The following MACROD2 variants were observed in gnomAD, a reference collection of about 807,000 sequenced individuals.
The protein encoded by MACROD2 is mono-ADP ribosylhydrolase 2, also known as ADP-ribose glycohydrolase MACROD2.
Under a neutral mutation model 70.4 loss-of-function variants are expected in MACROD2, and 36 were observed. The observed-to-expected ratio is 0.51, with a 90% confidence interval of 0.39 to 0.68. The LOEUF is 0.68. MACROD2 is among the 30% of genes least tolerant of loss of function. The pLI, the probability that MACROD2 is intolerant of heterozygous loss-of-function variation, is 0.00. For missense variants in MACROD2, 496 were observed against 538.4 expected (o/e 0.92, Z 0.78); for synonymous variants, 172 against 178.8 (o/e 0.96, Z 0.30).
At chr20:14,598,219 T>G (rs1297580846) in intron 4 of MACROD2, among the ~76,000 whole-genome samples, 3 of 152,196 alleles carry the variant, frequency 2.0e-5, no homozygotes, top group African/African-American at 7.2e-5. Context: ...ACCATTTTGC[T>G]TAGGCATGTG....
intron 5 of MACROD2, among the ~76,000 whole-genome samples, chr20:15,167,358 T>C (rs1404901166): frequency 6.6e-6 from 1 of 152,160 alleles, no homozygotes; most frequent in Admixed American, 6.5e-5. Context: ...TACTTAGCAT[T>C]AGTTGGTAAA....
At chr20:15,605,453 C>CGTGCGT (rs1555847144) in intron 8 of MACROD2, among the ~76,000 whole-genome samples, 2 of 141,692 alleles carry the variant, frequency 1.4e-5, no homozygotes, top group African/African-American at 5.3e-5. Context: ...AGGATGTAAG[C>CGTGCGT]GTGTGTGTGT....
At chr20:15,806,911 C>T (rs1413273053) in intron 8 of MACROD2, among the ~76,000 whole-genome samples, 4 of 152,090 alleles carry the variant, frequency 2.6e-5, no homozygotes, top group African/African-American at 9.7e-5. Flanking sequence ...ACAATAATTT[C>T]CTAGGGTGAT....
At chr20:14,629,241 G>A (rs933093017) in intron 4 of MACROD2, among the ~76,000 whole-genome samples, 1 of 152,064 alleles carries the variant, frequency 6.6e-6, no homozygotes, top group Non-Finnish European at 1.5e-5. Flanking sequence ...GATGTAATTG[G>A]TTCCAGGTTA....
chr20:14,700,361 T>C (rs1036555555), intron 5 of MACROD2, among the ~76,000 whole-genome samples: 16 of 152,172 alleles, frequency 1.1e-4, no homozygotes, highest in Admixed American at 7.9e-4. Flanking sequence ...TATAGAACTG[T>C]TTCAAAAATT....
intron 5 of MACROD2, among the ~76,000 whole-genome samples, chr20:15,189,437 G>A (rs543193894): frequency 6.6e-6 from 1 of 152,164 alleles, no homozygotes; most frequent in East Asian, 1.9e-4. Flanking sequence ...CCGGAATTCG[G>A]GCAATCTAGC....
chr20:14,532,873 T>C (rs899602401), intron 4 of MACROD2, among the ~76,000 whole-genome samples: 4 of 152,210 alleles, frequency 2.6e-5, no homozygotes, highest in African/African-American at 7.2e-5. Context: ...GTAGAAATTA[T>C]GGACATGCGT....
chr20:14,354,631 G>A (rs972952096), intron 3 of MACROD2, among the ~76,000 whole-genome samples: 3 of 152,012 alleles, frequency 2.0e-5, no homozygotes, highest in Admixed American at 6.5e-5. Context: ...TTAGATTCAC[G>A]GGTACCTGTG....
chr20:14,073,924 C>T (rs934848828), intron 2 of MACROD2, among the ~76,000 whole-genome samples: 1 of 152,182 alleles, frequency 6.6e-6, no homozygotes. Context: ...AAGCCCTTTT[C>T]TTGTCTAGAC....
intron 5 of MACROD2, among the ~76,000 whole-genome samples, chr20:14,865,394 T>G (rs387073): frequency 0.094 from 14,023 of 149,858 alleles, 821 homozygotes; most frequent in Non-Finnish European, 0.13. Context: ...CTTATTTGGC[T>G]TTTTTTTTTC....
At chr20:14,381,856 T>C (rs2083423674) in intron 3 of MACROD2, among the ~76,000 whole-genome samples, 1 of 152,138 alleles carries the variant, frequency 6.6e-6, no homozygotes, top group Non-Finnish European at 1.5e-5. Flanking sequence ...AGTCTACTTG[T>C]TGAATTCACA....
intron 5 of MACROD2, among the ~76,000 whole-genome samples, chr20:14,799,338 G>C (rs939601627): frequency 6.6e-6 from 1 of 152,020 alleles, no homozygotes; most frequent in Admixed American, 6.6e-5. Flanking sequence ...ATAAGAGATA[G>C]TAATTTTGAT....
chr20:15,077,341 T>C (rs2075665773), intron 5 of MACROD2, among the ~76,000 whole-genome samples: 3 of 152,146 alleles, frequency 2.0e-5, no homozygotes, highest in East Asian at 1.9e-4. Context: ...TTCAAGTTCA[T>C]GACATTAGGC....
At chr20:15,713,986 T>TGCACAC (rs2050666984) in intron 8 of MACROD2, among the ~76,000 whole-genome samples, 1 of 97,418 alleles carries the variant, frequency 1.0e-5, no homozygotes, top group Non-Finnish European at 2.1e-5. Flanking sequence ...CACACACATA[T>TGCACAC]GCACACACAC....
At chr20:15,152,707 G>T (rs2145863278) in intron 5 of MACROD2, among the ~76,000 whole-genome samples, 1 of 152,132 alleles carries the variant, frequency 6.6e-6, no homozygotes, top group East Asian at 1.9e-4. Flanking sequence ...CGCTAAGGGT[G>T]AAGGACCAAA....
At chr20:14,734,593 G>A (rs748524236) in intron 5 of MACROD2, among the ~76,000 whole-genome samples, 1 of 147,774 alleles carries the variant, frequency 6.8e-6, no homozygotes, top group Admixed American at 6.7e-5. Context: ...AACTACCAGA[G>A]CCTTGTTATG....
At chr20:15,430,392 AT>A (rs2046349495) in intron 6 of MACROD2, among the ~76,000 whole-genome samples, 1 of 152,010 alleles carries the variant, frequency 6.6e-6, no homozygotes, top group African/African-American at 2.4e-5. Flanking sequence ...GGTTGTACTA[AT>A]TTACATTCCC....
intron 2 of MACROD2, among the ~76,000 whole-genome samples, chr20:14,031,774 AC>A (rs200481715): frequency 6.7e-6 from 1 of 149,296 alleles, no homozygotes; most frequent in Admixed American, 6.8e-5. Flanking sequence ...ATGAATAAAT[AC>A]TGTTAAAAAT....
chr20:15,107,234 A>C (rs1292775310), intron 5 of MACROD2, among the ~76,000 whole-genome samples: 1 of 151,932 alleles, frequency 6.6e-6, no homozygotes, highest in Admixed American at 6.6e-5. Context: ...AAACAAACAC[A>C]CATATGAAAT....
Sources: allele counts gnomAD v4.1 joint callset (sites outside exome capture counted in the v4.1 genomes callset), GRCh38; gene constraint gnomAD v4.1.1; transcripts MANE v1.5; gene names NCBI Gene and HGNC (gene_info 2026-07-23, HGNC 2026-07-21).